GRID1: variants seen among roughly 807,000 people sequenced by gnomAD.
The protein encoded by GRID1 is glutamate receptor ionotropic, delta-1.
A neutral mutation model predicts 98.0 loss-of-function variants in GRID1; 28 were observed. The ratio of observed to expected loss-of-function variants is 0.29; its 90% CI spans 0.21 to 0.39. The LOEUF is 0.39. GRID1 is among the 10% of genes least tolerant of loss of function. The pLI is 1.00. For missense variants in GRID1, 1,111 were observed against 1,340.5 expected (o/e 0.83, Z 2.67); for synonymous variants, 553 against 538.5 (o/e 1.03, Z -0.37).
intron 2 of GRID1, among the ~76,000 whole-genome samples, chr10:86,296,925 C>G (rs774732113): frequency 6.6e-6 from 1 of 152,052 alleles, no homozygotes; most frequent in Non-Finnish European, 1.5e-5. Context: ...AAGAGTATAA[C>G]TATTTAGAAA....
intron 4 of GRID1, among the ~76,000 whole-genome samples, chr10:86,074,029 G>C (rs1843842477): frequency 7.3e-6 from 1 of 136,344 alleles, no homozygotes; most frequent in Non-Finnish European, 1.6e-5. Flanking sequence ...CTTTGAAGAA[G>C]TGGAGATAGC....
chr10:86,305,278 G>A (rs1431811204), intron 2 of GRID1, among the ~76,000 whole-genome samples: 1 of 152,142 alleles, frequency 6.6e-6, no homozygotes, highest in African/African-American at 2.4e-5. Flanking sequence ...CTTGGGGGAA[G>A]CCCTCCCTCA....
chr10:85,613,228 T>C, intron 15 of GRID1, 179 bp downstream of exon 15: 1 of 665,374 alleles, frequency 1.5e-6, no homozygotes, highest in Non-Finnish European at 2.5e-6. Context: ...CCTACATTTC[T>C]TCTCTAGTTT....
chr10:85,980,230 G>A (rs916481264), intron 4 of GRID1, among the ~76,000 whole-genome samples: 5 of 152,218 alleles, frequency 3.3e-5, no homozygotes, highest in South Asian at 2.1e-4. Context: ...CCCATCTCCT[G>A]TGCCACCCAC....
chr10:86,107,990 G>A lies in GRID1; in HGVS notation c.726+30829C>T, dbSNP rs74202658. Among the ~76,000 whole-genome samples, 677 of 152,238 alleles carry A rather than the reference G, an allele frequency of 4.4e-3. 20 individuals are homozygous for A. The East Asian group carries it at 0.077, about 17-fold the overall frequency. On this transcript the variant is annotated intron_variant, in intron 4 of 15. Coordinates refer to ENST00000327946, the MANE Select transcript of GRID1 (RefSeq NM_017551.3). Reference sequence around the variant, plus strand: ...TCCAGTACATGAAGGCAAGAACCCGGGATACAGAGAGCCCTTTGTCCGTGC... The same window carrying A: ...TCCAGTACATGAAGGCAAGAACCCGAGATACAGAGAGCCCTTTGTCCGTGC...
intron 5 of GRID1, among the ~76,000 whole-genome samples, chr10:85,900,067 A>C (rs1841358258): frequency 1.3e-5 from 2 of 152,184 alleles, no homozygotes; most frequent in Admixed American, 1.3e-4. Flanking sequence ...GTCTCTGTAA[A>C]CCCTCAAACA....
At chr10:85,683,959 A>C (rs1184249856) in intron 12 of GRID1, among the ~76,000 whole-genome samples, 1 of 152,232 alleles carries the variant, frequency 6.6e-6, no homozygotes, top group Admixed American at 6.5e-5. Context: ...GATTACAGCC[A>C]TGTGACTAGA....
intron 2 of GRID1, among the ~76,000 whole-genome samples, chr10:86,292,235 C>T (rs1466845140): frequency 6.6e-6 from 1 of 152,276 alleles, no homozygotes; most frequent in East Asian, 1.9e-4. Flanking sequence ...GCCTCCAGCC[C>T]TGCTTCCTGC....
intron 4 of GRID1, among the ~76,000 whole-genome samples, chr10:86,101,860 C>T (rs1350443966): frequency 6.6e-6 from 1 of 152,034 alleles, no homozygotes; most frequent in Admixed American, 6.6e-5. Context: ...CATTATGGGG[C>T]TCAGGCTGGT....
intron 4 of GRID1, among the ~76,000 whole-genome samples, chr10:86,035,600 G>A (rs527999782): frequency 6.6e-6 from 1 of 152,256 alleles, no homozygotes; most frequent in Admixed American, 6.5e-5. Flanking sequence ...GGTTCCCAGA[G>A]TCCCCTCTCA....
At chr10:85,891,236 T>A (rs906880305) in intron 5 of GRID1, among the ~76,000 whole-genome samples, 3 of 152,262 alleles carry the variant, frequency 2.0e-5, no homozygotes, top group Middle Eastern at 6.8e-3. Flanking sequence ...TTTAATTGCA[T>A]ATATAATTTA....
At chr10:85,965,478 C>A (rs565277086) in intron 4 of GRID1, among the ~76,000 whole-genome samples, 6 of 152,248 alleles carry the variant, frequency 3.9e-5, no homozygotes, top group Middle Eastern at 3.4e-3. Flanking sequence ...GAGTTCATGT[C>A]CTTTGCAGGG....
At chr10:85,914,030 C>T (rs1370799395) in intron 5 of GRID1, among the ~76,000 whole-genome samples, 1 of 152,116 alleles carries the variant, frequency 6.6e-6, no homozygotes, top group Admixed American at 6.5e-5. Context: ...CAGTGTGGCT[C>T]CAACAGGTAT....
chr10:86,139,365 G>C (rs555890814), intron 3 of GRID1, among the ~76,000 whole-genome samples: 1 of 152,244 alleles, frequency 6.6e-6, no homozygotes, highest in South Asian at 2.1e-4. Context: ...ACATTTGCTG[G>C]CAGTCCCTGG....
At position 85,926,434 on chromosome 10, in the gene GRID1, T is replaced by C. The variant is rs150205417; in HGVS notation, c.727-10195A>G. Among the ~76,000 whole-genome samples, 6 of 152,224 alleles carry C rather than the reference T, an allele frequency of 3.9e-5. No homozygotes were observed. In the East Asian group the frequency reaches 9.7e-4, roughly 24 times the overall value. On this transcript the variant is annotated intron_variant, in intron 4 of 15. Transcript: ENST00000327946. ...TCCACAATGTAAATTTTGCTTCACT[T>C]TAAGACAGCCCCTCTCCAAGCACAA... is the stretch of plus-strand genomic sequence containing the variant.
chr10:85,968,982 A>G (rs1452453801), intron 4 of GRID1, among the ~76,000 whole-genome samples: 8 of 152,230 alleles, frequency 5.3e-5, no homozygotes, highest in African/African-American at 9.6e-5. Context: ...ATAGGTTGAA[A>G]GTAAAACAAT....
At chr10:86,033,471 T>C (rs1843214102) in intron 4 of GRID1, among the ~76,000 whole-genome samples, 1 of 152,104 alleles carries the variant, frequency 6.6e-6, no homozygotes, top group East Asian at 1.9e-4. Flanking sequence ...GAATTAGGTG[T>C]AGATGAGATA....
chr10:85,820,030 GC>G (rs879528386), intron 8 of GRID1, among the ~76,000 whole-genome samples: 2,897 of 88,504 alleles, frequency 0.033, 35 homozygotes, highest in East Asian at 0.091. Context: ...AGGAAGGAAG[GC>G]AGGCAGGCAG....
At chr10:85,644,118 G>A (rs41303827) in intron 13 of GRID1, 5,121 of 152,336 alleles carry the variant, frequency 0.034, 124 homozygotes, top group Non-Finnish European at 0.047. Flanking sequence ...AAGAGGGAAG[G>A]GGTGGGTACT....
Sources: allele counts gnomAD v4.1 joint callset (sites outside exome capture counted in the v4.1 genomes callset), GRCh38; gene constraint gnomAD v4.1.1; transcripts MANE v1.5; gene names NCBI Gene and HGNC (gene_info 2026-07-23, HGNC 2026-07-21).